Variants in ASB3 observed in about 807,000 individuals in gnomAD.
ASB3 encodes the protein ankyrin repeat and SOCS box protein 3.
A neutral mutation model predicts 54.5 loss-of-function variants in ASB3; 41 were observed. That is an observed-to-expected ratio of 0.75 (90% CI 0.59 to 0.98). ASB3 has a LOEUF of 0.98. Among genes scored for constraint, ASB3 ranks in the 50% least tolerant of loss-of-function variants. The pLI is 0.00. For synonymous variants in ASB3, 266 were observed against 221.2 expected (o/e 1.20, Z -1.80); for missense variants, 733 against 620.0 (o/e 1.18, Z -1.94).
intron 3 of ASB3, among the ~76,000 whole-genome samples, chr2:53,738,868 C>T (rs912937710): frequency 3.9e-5 from 6 of 152,024 alleles, no homozygotes; most frequent in Non-Finnish European, 8.8e-5. Flanking sequence ...AATAAAAGAC[C>T]GCATTTCAGA....
chr2:53,715,346 C>G (rs76302549), intron 6 of ASB3, among the ~76,000 whole-genome samples: 8 of 152,080 alleles, frequency 5.3e-5, no homozygotes, highest in African/African-American at 1.7e-4. Context: ...AAAAGACAGA[C>G]AGGGCTACTC....
At chr2:53,716,475 C>T in intron 6 of ASB3, 91 bp downstream of exon 6, 1 of 1,471,894 alleles carries the variant, frequency 6.8e-7, no homozygotes, top group Non-Finnish European at 9.1e-7. Flanking sequence ...ATATCAAAGA[C>T]TTTGCCTAGA....
At chr2:53,697,483 T>C (rs996098377) in intron 8 of ASB3, among the ~76,000 whole-genome samples, 1 of 152,150 alleles carries the variant, frequency 6.6e-6, no homozygotes, top group African/African-American at 2.4e-5. Flanking sequence ...TTGCACGAGA[T>C]CCAAGAACCC....
intron 8 of ASB3, among the ~76,000 whole-genome samples, chr2:53,696,226 T>C (rs1669173123): frequency 6.6e-6 from 1 of 152,236 alleles, no homozygotes; most frequent in South Asian, 2.1e-4. Flanking sequence ...AAACATGTAA[T>C]TGGCATTCTG....
At chr2:53,724,850 T>C (rs1012967255) in intron 5 of ASB3, among the ~76,000 whole-genome samples, 5 of 152,100 alleles carry the variant, frequency 3.3e-5, no homozygotes, top group African/African-American at 1.2e-4. Context: ...TGTAAATTAG[T>C]TCAGCCACAG....
intron 9 of ASB3, among the ~76,000 whole-genome samples, chr2:53,679,798 A>G (rs7556791): frequency 0.46 from 70,446 of 151,906 alleles, 16,757 homozygotes; most frequent in East Asian, 0.63. Context: ...CATTACGTAG[A>G]TAAACTTGTT....
chr2:53,750,031 C>T (rs1672431999), intron 3 of ASB3, among the ~76,000 whole-genome samples: 1 of 152,022 alleles, frequency 6.6e-6, no homozygotes, highest in Non-Finnish European at 1.5e-5. Flanking sequence ...TAGATAGGTA[C>T]TATTACTCTC....
At chr2:53,697,531 C>T (rs148926326) in intron 8 of ASB3, among the ~76,000 whole-genome samples, 102 of 152,216 alleles carry the variant, frequency 6.7e-4, no homozygotes, top group African/African-American at 2.2e-3. Context: ...TCCAGTAACA[C>T]ATAGATTTTG....
chr2:53,747,835 A>G (rs887481428), intron 3 of ASB3, among the ~76,000 whole-genome samples: 1 of 152,256 alleles, frequency 6.6e-6, no homozygotes, highest in Non-Finnish European at 1.5e-5. Flanking sequence ...TGGATACTTC[A>G]GACAGGGTGG....
chr2:53,713,266 A>T (rs1462453329), intron 7 of ASB3, among the ~76,000 whole-genome samples: 1 of 152,222 alleles, frequency 6.6e-6, no homozygotes, highest in African/African-American at 2.4e-5. Flanking sequence ...CTTAGTAAAT[A>T]ATTTCTTGAT....
At chr2:53,756,802 T>A (rs1328188562) in intron 2 of ASB3, 1 of 153,110 alleles carries the variant, frequency 6.5e-6, no homozygotes, top group Admixed American at 6.5e-5. Flanking sequence ...CGCTGTTGAC[T>A]TCTACCCCTC....
chr2:53,754,284 T>C (rs1672693946), intron 2 of ASB3, among the ~76,000 whole-genome samples: 2 of 152,156 alleles, frequency 1.3e-5, no homozygotes, highest in South Asian at 2.1e-4. Flanking sequence ...AAATCTCCCA[T>C]GTAGAAGAAT....
intron 7 of ASB3, 133 bp downstream of exon 7, chr2:53,714,251 C>T (rs1175447006): frequency 3.5e-5 from 39 of 1,126,058 alleles, no homozygotes; most frequent in Non-Finnish European, 4.8e-5. Flanking sequence ...TAGTTTTTTT[C>T]CTATTTGTGT....
At chr2:53,773,283 T>TA (rs931409515) in intron 1 of ASB3, among the ~76,000 whole-genome samples, 3 of 150,096 alleles carry the variant, frequency 2.0e-5, no homozygotes, top group Non-Finnish European at 2.9e-5. Flanking sequence ...AAGACCAAAT[T>TA]AAAAAAAAAT....
chr2:53,751,419 C>A lies in ASB3; in HGVS notation c.197-478G>T, dbSNP rs547651138. Among the ~76,000 whole-genome samples the A allele has an allele frequency of 1.0e-3, 158 of 152,156 alleles. 1 individual carries two copies. The highest frequency in any genetic ancestry group is 3.4e-3 in the African/African-American group (141 of 41,510). ...TAAATACTCCTTTTCTAACTTAAGA[C>A]TATGGTTTAATTGTTAATGAAAACT... On this transcript the variant is annotated intron_variant, in intron 2 of 9. Transcript: ENST00000263634.
At position 53,763,243 on chromosome 2, in the gene ASB3, C is replaced by T. The variant is rs1302878868; in HGVS notation, c.196+2134G>A. Among the ~76,000 whole-genome samples, 7 of 152,252 alleles carry T rather than the reference C, an allele frequency of 4.6e-5. 1 individual carries two copies. The highest frequency in any genetic ancestry group is 1.7e-4 in the African/African-American group (7 of 41,536). Reference sequence around the variant, plus strand: ...CATTGGTGGTGTGCACCTGTAGTCCCAGCTACTTGGGAGACTGAGGCAGGA... The same window carrying T: ...CATTGGTGGTGTGCACCTGTAGTCCTAGCTACTTGGGAGACTGAGGCAGGA... On this transcript the variant is annotated intron_variant, in intron 2 of 9. Transcript: ENST00000263634.
At chr2:53,684,172 G>T (rs1454639339) in intron 9 of ASB3, among the ~76,000 whole-genome samples, 1 of 152,130 alleles carries the variant, frequency 6.6e-6, no homozygotes, top group Admixed American at 6.6e-5. Context: ...TTAATAACTA[G>T]ATTCGTACAT....
chr2:53,725,401 T>A (rs1021808990), intron 5 of ASB3, among the ~76,000 whole-genome samples: 1 of 152,052 alleles, frequency 6.6e-6, no homozygotes, highest in African/African-American at 2.4e-5. Context: ...AATACACCTA[T>A]GTAACAAACC....
intron 6 of ASB3, among the ~76,000 whole-genome samples, chr2:53,716,088 A>G (rs1326250820): frequency 6.6e-6 from 1 of 152,012 alleles, no homozygotes; most frequent in Non-Finnish European, 1.5e-5. Context: ...ACCCCCATTT[A>G]CTCTCTCTCC....
Sources: allele counts gnomAD v4.1 joint callset (sites outside exome capture counted in the v4.1 genomes callset), GRCh38; gene constraint gnomAD v4.1.1; transcripts MANE v1.5; gene names NCBI Gene and HGNC (gene_info 2026-07-23, HGNC 2026-07-21).